The following HECW2 variants were observed in gnomAD, a reference collection of about 807,000 sequenced individuals.
The protein encoded by HECW2 is HECT, C2 and WW domain containing E3 ubiquitin protein ligase 2.
In HECW2, 61 loss-of-function variants were observed where a neutral mutation model predicts 175.2. The observed-to-expected ratio is 0.35, with a 90% confidence interval of 0.28 to 0.43. The LOEUF (loss-of-function observed/expected upper bound fraction) is 0.43. Ranked by LOEUF, HECW2 falls within the 20% of genes least tolerant of loss-of-function variation. The pLI is 1.00. For synonymous variants in HECW2, 671 were observed against 731.0 expected, an observed-to-expected ratio of 0.92 and a Z score of 1.32; for missense variants, 1,524 against 2,000.5, an observed-to-expected ratio of 0.76 and a Z score of 4.54.
At chr2:196,394,066 A>G (rs187388642) in intron 2 of HECW2, among the ~76,000 whole-genome samples, 1 of 150,018 alleles carries the variant, frequency 6.7e-6, no homozygotes, top group Admixed American at 6.7e-5. Context: ...AAAACACCAC[A>G]TGTTCTCACT....
intron 1 of HECW2, among the ~76,000 whole-genome samples, chr2:196,557,395 CAAA>C (rs769376664): frequency 8.3e-6 from 1 of 120,974 alleles, no homozygotes. Context: ...AACTCCACCT[CAAA>C]AAAAAAAAAA....
At chr2:196,353,141 A>C (rs1246478120) in intron 2 of HECW2, among the ~76,000 whole-genome samples, 3 of 151,964 alleles carry the variant, frequency 2.0e-5, no homozygotes, top group Non-Finnish European at 4.4e-5. Context: ...GACCTCCCTG[A>C]TGTCCCCAAA....
chr2:196,446,870 C>T (rs1368706507), intron 1 of HECW2, among the ~76,000 whole-genome samples: 1 of 152,092 alleles, frequency 6.6e-6, no homozygotes. Flanking sequence ...TAAGAGTTAT[C>T]CAATGCCTAC....
chr2:196,269,026 C>G (rs376789639), intron 17 of HECW2, among the ~76,000 whole-genome samples: 12 of 152,278 alleles, frequency 7.9e-5, no homozygotes, highest in African/African-American at 2.9e-4. Flanking sequence ...TTAAGAACAG[C>G]ATGCTTATGT....
At chr2:196,309,294 A>G (rs140938752) in intron 10 of HECW2, among the ~76,000 whole-genome samples, 1 of 152,164 alleles carries the variant, frequency 6.6e-6, no homozygotes, top group Non-Finnish European at 1.5e-5. Context: ...GCACATTGTA[A>G]TTTATGACAA....
At chr2:196,334,291 A>T in intron 4 of HECW2, 133 bp downstream of exon 4, 1 of 638,588 alleles carries the variant, frequency 1.6e-6, no homozygotes, top group Non-Finnish European at 2.8e-6. Flanking sequence ...TTCCTTTCCT[A>T]TAACAGTGCC....
At chr2:196,260,482 G>C (rs2105931446) in intron 17 of HECW2, 1 of 152,342 alleles carries the variant, frequency 6.6e-6, no homozygotes, top group East Asian at 1.9e-4. Flanking sequence ...TGGGGAGTAA[G>C]AGAAAGTCCC....
intron 2 of HECW2, among the ~76,000 whole-genome samples, chr2:196,413,725 C>A (rs2375852): frequency 0.92 from 140,458 of 152,272 alleles, 65,183 homozygotes; most frequent in East Asian, 1. Context: ...AAAATATTAT[C>A]ATGGATAAAA....
rs1158051512 is a variant in HECW2, at chr2:196,521,282, CAAAAAAAAAAA to C, written c.-36+72215_-36+72225del. 7.4e-5 allele frequency among the ~76,000 whole-genome samples: 4 copies of C among 53,692 alleles called. No homozygotes were observed. The South Asian group carries it at 3.9e-3, about 52-fold the overall frequency. The allele number at this position is 53,692 out of a possible 152,430, so 35.2% of individuals were successfully genotyped here. ...CATCCTCACTAGGAAACGTGAGTAACAAAAAAAAAAAAAAAAAAAAAAAAAGAAAGAAAAAG... is the reference window on the plus strand; with the variant it reads ...CATCCTCACTAGGAAACGTGAGTAACAAAAAAAAAAAAAAGAAAGAAAAAG... On this transcript the variant is annotated intron_variant, in intron 1 of 28. Transcript: ENST00000644978.
chr2:196,334,329 T>C (rs1692471972), intron 4 of HECW2, 95 bp downstream of exon 4: 1 of 891,264 alleles, frequency 1.1e-6, no homozygotes, highest in Non-Finnish European at 1.8e-6. Flanking sequence ...CCTTTTTCAT[T>C]GTTCCTCATA....
chr2:196,576,498 T>C lies in HECW2; in HGVS notation c.-36+17010A>G, dbSNP rs7590039. Among the ~76,000 whole-genome samples the C allele has an allele frequency of 8.1e-3, 1,234 of 152,260 alleles. 17 individuals carry two copies. Among genetic ancestry groups the C allele is most frequent in the African/African-American group, 0.028 (1,175 of 41,542 alleles). On this transcript the variant is annotated intron_variant, in intron 1 of 28. Transcript: ENST00000644978. ...TGCATGATCTCACTTATATGTGGAA[T>C]CGAAAACAGTCCAACTCAGACGCAC...
In HECW2 at chr2:196,201,145, T is replaced by C. The variant is rs149492177; in HGVS notation, c.*132A>G. 410 of 661,810 alleles carry C rather than the reference T, an allele frequency of 6.2e-4. No individual in the cohort carries two copies. Among genetic ancestry groups the C allele is most frequent in the Non-Finnish European group, 9.6e-4 (349 of 363,044 alleles). The allele number at this position is 661,810 out of a possible 1,614,324, so 41.0% of individuals were successfully genotyped here. A position where few individuals can be genotyped will look rare whatever the true frequency, so the allele number is the denominator to read the frequency against. ...GTCCCCAAATGTGACAGAGCACTTG[T>C]TCCTGGAAAACAACAGCACATAGCT... On this transcript the variant is annotated 3_prime_UTR_variant, in exon 29 of 29. Coordinates refer to ENST00000644978, the MANE Select transcript of HECW2 (RefSeq NM_001348768.2).
At chr2:196,525,320 C>T (rs1309680995) in intron 1 of HECW2, among the ~76,000 whole-genome samples, 3 of 98,976 alleles carry the variant, frequency 3.0e-5, no homozygotes, top group Non-Finnish European at 5.9e-5. Flanking sequence ...TTTTGTTTTC[C>T]ATTTGCTTGG....
At chr2:196,223,788 C>G (rs897311130) in intron 23 of HECW2, among the ~76,000 whole-genome samples, 5 of 152,070 alleles carry the variant, frequency 3.3e-5, no homozygotes, top group African/African-American at 1.2e-4. Context: ...AATGAATAGA[C>G]CACTACAGTA....
At chr2:196,304,523 T>C (rs779829777) in intron 13 of HECW2, among the ~76,000 whole-genome samples, 2 of 152,174 alleles carry the variant, frequency 1.3e-5, no homozygotes, top group African/African-American at 2.4e-5. Context: ...TACCACTCTA[T>C]TCCCAGAGTC....
At chr2:196,552,378 G>T (rs182650111) in intron 1 of HECW2, among the ~76,000 whole-genome samples, 1 of 152,216 alleles carries the variant, frequency 6.6e-6, no homozygotes, top group Non-Finnish European at 1.5e-5. Flanking sequence ...GAAGCTTTCT[G>T]GTCCACTTTC....
chr2:196,510,160 T>C (rs1012945173), intron 1 of HECW2, among the ~76,000 whole-genome samples: 82 of 152,136 alleles, frequency 5.4e-4, no homozygotes, highest in African/African-American at 1.9e-3. Flanking sequence ...TAAGGTTACA[T>C]AGCCATCTTT....
Position 196,201,328 on chromosome 2 carries a change from A to G in HECW2, c.4668T>C (p.Tyr1556=). 1.2e-6 allele frequency: 2 copies of G among 1,613,786 alleles called. No homozygotes were observed. Among genetic ancestry groups the G allele is most frequent in the South Asian group, 2.2e-5 (2 of 91,078 alleles). ...LPPYPSFSML[Y]EKLLTAVEET... ...CTTCAACTGCTGTCAACAGTTTTTC[A>G]TAAAGCATGGAAAAGGATGGGTAGG... Residue 1556 remains tyrosine, a synonymous_variant, in exon 29 of 29, where the codon TAT becomes TAC. Coordinates refer to ENST00000644978, the MANE Select transcript of HECW2 (RefSeq NM_001348768.2).
At chr2:196,418,544 G>T (rs1237156763) in intron 2 of HECW2, among the ~76,000 whole-genome samples, 1 of 152,096 alleles carries the variant, frequency 6.6e-6, no homozygotes, top group East Asian at 1.9e-4. Context: ...AAATATAATA[G>T]ATATTCTTCA....
Sources: gnomAD v4.1 joint callset for allele counts (sites outside exome capture counted in the v4.1 genomes callset) on GRCh38, gnomAD v4.1.1 for gene constraint, MANE v1.5 for transcripts, NCBI Gene and HGNC (gene_info 2026-07-23, HGNC 2026-07-21) for gene names.